DAB1: variants seen among roughly 807,000 people sequenced by gnomAD.
DAB1 encodes disabled homolog 1.
In DAB1, 15 loss-of-function variants were observed where a neutral mutation model predicts 64.6. That is an observed-to-expected ratio of 0.23 (90% CI 0.16 to 0.36). The LOEUF is 0.36. Among genes scored for constraint, DAB1 ranks in the 10% least tolerant of loss-of-function variants. The pLI is 1.00. For synonymous variants in DAB1, 235 were observed against 251.9 expected (o/e 0.93, Z 0.64); for missense variants, 596 against 706.7 (o/e 0.84, Z 1.78).
chr1:57,527,031 T>C (rs1173124921), intron 7 of DAB1, among the ~76,000 whole-genome samples: 1 of 152,148 alleles, frequency 6.6e-6, no homozygotes, highest in African/African-American at 2.4e-5. Flanking sequence ...ATTTTCTGGG[T>C]AAGAAATGAA....
At chr1:57,029,219 T>C (rs1479608039) in intron 9 of DAB1, among the ~76,000 whole-genome samples, 1 of 152,112 alleles carries the variant, frequency 6.6e-6, no homozygotes, top group Non-Finnish European at 1.5e-5. Context: ...CTTCTGAGGG[T>C]AGAAGCCCCA....
intron 3 of DAB1, among the ~76,000 whole-genome samples, chr1:58,373,010 A>T (rs961166105): frequency 2.6e-5 from 4 of 152,198 alleles, no homozygotes; most frequent in Non-Finnish European, 4.4e-5. Flanking sequence ...CTGAAAGCAA[A>T]TATTTTAAAA....
At chr1:58,167,699 C>A (rs1220922265) in intron 4 of DAB1, among the ~76,000 whole-genome samples, 1 of 152,186 alleles carries the variant, frequency 6.6e-6, no homozygotes, top group Non-Finnish European at 1.5e-5. Context: ...CGAGGGTCTG[C>A]GGCTTCATTC....
intron 4 of DAB1, among the ~76,000 whole-genome samples, chr1:57,129,381 A>G (rs17115108): frequency 0.01 from 1,533 of 152,166 alleles, 28 homozygotes; most frequent in East Asian, 0.056. Flanking sequence ...CACTAACCAC[A>G]CAGAGACCCA....
chr1:58,517,638 T>C (rs2100442490), intron 2 of DAB1, among the ~76,000 whole-genome samples: 1 of 152,322 alleles, frequency 6.6e-6, no homozygotes, highest in South Asian at 2.1e-4. Flanking sequence ...ATTTATTAAA[T>C]TTCTGTCTCT....
intron 3 of DAB1, among the ~76,000 whole-genome samples, chr1:58,478,047 G>C (rs1272560466): frequency 6.6e-6 from 1 of 152,126 alleles, no homozygotes; most frequent in Non-Finnish European, 1.5e-5. Flanking sequence ...GATATGGTTT[G>C]ACTCTGTGTC....
In DAB1 at chr1:58,118,503, T is replaced by TATATAC. The variant is rs1341446315; in HGVS notation, n.387+32007_387+32008insGTATAT. Among the ~76,000 whole-genome samples, 373 of 52,994 alleles carry TATATAC rather than the reference T, an allele frequency of 7.0e-3. 4 individuals are homozygous for TATATAC. Among genetic ancestry groups the TATATAC allele is most frequent in the African/African-American group, 0.01 (98 of 9,606 alleles). 34.8% of individuals were successfully genotyped at this position (52,994 alleles called of 152,430 possible). Reference sequence around the variant, plus strand: ...ATATATATATATATATATATATATATACACACACACACACACACATATATA... The same window carrying TATATAC: ...ATATATATATATATATATATATATATATATACACACACACACACACACACATATATA... On this transcript the variant is annotated intron_variant and non_coding_transcript_variant, in intron 5 of 20. Coordinates refer to the DAB1 transcript ENST00000485760.
chr1:58,073,255 C>T (rs11800351), intron 5 of DAB1, among the ~76,000 whole-genome samples: 30,557 of 152,104 alleles, frequency 0.2, 3,294 homozygotes, highest in East Asian at 0.38. Flanking sequence ...TGTTGTCTGT[C>T]TGGAATACTG....
chr1:57,252,144 C>T (rs539342008), intron 2 of DAB1, among the ~76,000 whole-genome samples: 50 of 152,302 alleles, frequency 3.3e-4, no homozygotes, highest in African/African-American at 1.1e-3. Context: ...CCATTTATGT[C>T]CAATGTAAAG....
intron 7 of DAB1, among the ~76,000 whole-genome samples, chr1:57,514,088 C>T (rs1413691903): frequency 6.6e-6 from 1 of 152,186 alleles, no homozygotes; most frequent in Non-Finnish European, 1.5e-5. Context: ...TTCATCCCTT[C>T]ATAGACACCT....
At chr1:57,991,493 G>A (rs1646337969) in intron 5 of DAB1, among the ~76,000 whole-genome samples, 1 of 152,084 alleles carries the variant, frequency 6.6e-6, no homozygotes, top group Admixed American at 6.6e-5. Flanking sequence ...CATTGTATGA[G>A]CAGTACTGTG....
intron 5 of DAB1, among the ~76,000 whole-genome samples, chr1:58,053,816 T>C (rs142465858): frequency 3.3e-5 from 5 of 152,320 alleles, no homozygotes; most frequent in African/African-American, 1.2e-4. Flanking sequence ...CTCTGTGAAA[T>C]TAGTCTGCAA....
At chr1:57,991,305 T>G (rs561804209) in intron 5 of DAB1, among the ~76,000 whole-genome samples, 2 of 152,310 alleles carry the variant, frequency 1.3e-5, no homozygotes, top group East Asian at 3.9e-4. Flanking sequence ...ACCTAAAATT[T>G]CAGTCAACTT....
At chr1:57,760,303 A>G (rs1430511106) in intron 6 of DAB1, among the ~76,000 whole-genome samples, 1 of 152,160 alleles carries the variant, frequency 6.6e-6, no homozygotes, top group Admixed American at 6.5e-5. Flanking sequence ...TTGTATTCCC[A>G]AGTATATTTA....
chr1:58,186,573 T>C (rs1657088990), intron 4 of DAB1, among the ~76,000 whole-genome samples: 1 of 152,104 alleles, frequency 6.6e-6, no homozygotes. Context: ...GGAAAGGGAG[T>C]TGTTATTTAA....
chr1:57,410,766 G>A (rs1222063072), intron 1 of DAB1, among the ~76,000 whole-genome samples: 2 of 152,190 alleles, frequency 1.3e-5, no homozygotes, highest in South Asian at 2.1e-4. Flanking sequence ...TATCAGAGTG[G>A]TATCAGGTTA....
chr1:57,322,538 A>G (rs1675807868), intron 1 of DAB1, among the ~76,000 whole-genome samples: 1 of 152,140 alleles, frequency 6.6e-6, no homozygotes, highest in African/African-American at 2.4e-5. Flanking sequence ...TTTTTCTGCC[A>G]TTTATATGGC....
chr1:57,204,980 G>T (rs541984662), intron 2 of DAB1, among the ~76,000 whole-genome samples: 1 of 152,274 alleles, frequency 6.6e-6, no homozygotes, highest in Non-Finnish European at 1.5e-5. Flanking sequence ...CAATTTCTCA[G>T]ATGAGCCACT....
Position 57,072,117 on chromosome 1 carries a change from G to A in DAB1, c.438+166C>T, listed in dbSNP as rs574115643. Among the ~76,000 whole-genome samples the A allele has an allele frequency of 4.5e-4, 68 of 150,196 alleles. 1 individual carries two copies. The highest frequency in any genetic ancestry group is 4.2e-3 in the Admixed American group (64 of 15,070). On this transcript the variant is annotated intron_variant, in intron 5 of 14. Coordinates refer to ENST00000371236, the MANE Select transcript of DAB1 (RefSeq NM_001365792.1). The stretch of plus-strand genomic sequence containing the variant: ...TGGATGGGTATGAGCATGTTTCCTT[G>A]CTCCAAGGCTGTTTATCTTTTCTAG...
Sources: gnomAD v4.1 joint callset for allele counts (sites outside exome capture counted in the v4.1 genomes callset) on GRCh38, gnomAD v4.1.1 for gene constraint, MANE v1.5 for transcripts, NCBI Gene and HGNC (gene_info 2026-07-23, HGNC 2026-07-21) for gene names.